MORC1: variants seen among roughly 807,000 people sequenced by gnomAD.
The protein encoded by MORC1 is MORC family CW-type zinc finger protein 1.
MORC1 carries 59 observed loss-of-function variants against 134.9 expected under a neutral mutation model. That is an observed-to-expected ratio of 0.44 (90% confidence interval 0.35 to 0.54). MORC1 has a LOEUF of 0.54. MORC1 is among the 20% of genes least tolerant of loss of function. The pLI, the probability that MORC1 is intolerant of heterozygous loss-of-function variation, is 0.00. For missense variants in MORC1, 947 were observed against 1,134.5 expected, an observed-to-expected ratio of 0.83 and a Z score of 2.37; for synonymous variants, 395 against 391.7, an observed-to-expected ratio of 1.01 and a Z score of -0.10.
chr3:108,995,695 A>T (rs1948182607), intron 21 of MORC1, among the ~76,000 whole-genome samples: 1 of 152,222 alleles, frequency 6.6e-6, no homozygotes. Context: ...AGAAGAAAAG[A>T]ACTATTAATA....
rs148414071 is a variant in MORC1 at position 109,048,737 on chromosome 3, T to G, written c.1330+5991A>C. Among the ~76,000 whole-genome samples the G allele has an allele frequency of 6.5e-3, 995 of 152,274 alleles. 15 individuals are homozygous for G. The highest frequency in any genetic ancestry group is 0.023 in the African/African-American group (962 of 41,556). On this transcript the variant is annotated intron_variant, in intron 14 of 27. Coordinates refer to ENST00000232603, the MANE Select transcript of MORC1 (RefSeq NM_014429.4). ...CTCCCTGTGTCCTCACATGTTTTTT[T>G]CTTTGTGTGCACCTATCCCTGGTAT...
chr3:109,102,144 G>A (rs1043232934), intron 4 of MORC1, among the ~76,000 whole-genome samples: 1 of 152,188 alleles, frequency 6.6e-6, no homozygotes, highest in Admixed American at 6.5e-5. Context: ...TAACAGGAAC[G>A]TGGCCTGCAG....
chr3:109,062,521 C>T (rs1034528666), intron 10 of MORC1, among the ~76,000 whole-genome samples: 1 of 151,416 alleles, frequency 6.6e-6, no homozygotes, highest in African/African-American at 2.4e-5. Flanking sequence ...CCCAGGTTCA[C>T]GCCATTCTCC....
intron 22 of MORC1, among the ~76,000 whole-genome samples, chr3:108,985,496 G>A (rs1947872430): frequency 6.6e-6 from 1 of 152,138 alleles, no homozygotes; most frequent in South Asian, 2.1e-4. Flanking sequence ...AGTAGAAGAG[G>A]ACATCAACAA....
At chr3:109,013,623 T>A (rs1447276320) in intron 17 of MORC1, among the ~76,000 whole-genome samples, 1 of 152,222 alleles carries the variant, frequency 6.6e-6, no homozygotes, top group Non-Finnish European at 1.5e-5. Context: ...ACCGCTGGGC[T>A]CTTCCTTAGA....
At chr3:109,010,832 G>A (rs1303471368) in intron 17 of MORC1, among the ~76,000 whole-genome samples, 1 of 152,180 alleles carries the variant, frequency 6.6e-6, no homozygotes. Context: ...TGTGAATCAA[G>A]AGTGCACTCC....
At chr3:109,040,436 G>GAAAA (rs1576665936) in intron 14 of MORC1, among the ~76,000 whole-genome samples, 1 of 103,990 alleles carries the variant, frequency 9.6e-6, no homozygotes, top group African/African-American at 3.8e-5. Flanking sequence ...AGGAAAGAAA[G>GAAAA]AAAGAAAGAA....
intron 24 of MORC1, among the ~76,000 whole-genome samples, chr3:108,974,680 G>C (rs1019371716): frequency 2.0e-5 from 3 of 152,204 alleles, no homozygotes; most frequent in African/African-American, 7.2e-5. Context: ...TTAGGAACAG[G>C]AATAGTCCTT....
chr3:109,102,468 G>C (rs1950947406), intron 4 of MORC1, among the ~76,000 whole-genome samples: 1 of 152,042 alleles, frequency 6.6e-6, no homozygotes, highest in African/African-American at 2.4e-5. Context: ...ACTATAAAGG[G>C]GCAAGACTAG....
intron 6 of MORC1, among the ~76,000 whole-genome samples, chr3:109,096,734 A>G (rs77620562): frequency 0.017 from 2,556 of 152,250 alleles, 83 homozygotes; most frequent in African/African-American, 0.059. Flanking sequence ...CTTTTTTCTT[A>G]ATAAACTGCT....
intron 25 of MORC1, 61 bp from the exon 26 acceptor site, chr3:108,969,783 CAG>C: frequency 6.7e-7 from 1 of 1,493,880 alleles, no homozygotes; most frequent in African/African-American, 1.4e-5. Flanking sequence ...CTGTCTACAG[CAG>C]AGTTATATCA....
At chr3:108,975,466 C>T (rs1439137215) in intron 24 of MORC1, among the ~76,000 whole-genome samples, 1 of 151,952 alleles carries the variant, frequency 6.6e-6, no homozygotes, top group African/African-American at 2.4e-5. Context: ...ATGGAGTCTG[C>T]CTTATCAAGT....
At chr3:109,008,461 T>A (rs1000574734) in intron 17 of MORC1, among the ~76,000 whole-genome samples, 1 of 143,838 alleles carries the variant, frequency 7.0e-6, no homozygotes, top group Non-Finnish European at 1.5e-5. Context: ...TATATATATA[T>A]AATTATATGT....
intron 18 of MORC1, among the ~76,000 whole-genome samples, chr3:109,006,494 G>A (rs934213643): frequency 2.0e-5 from 3 of 152,094 alleles, no homozygotes; most frequent in Admixed American, 6.5e-5. Flanking sequence ...AAATCCCATC[G>A]TCTGCCTGTT....
intron 21 of MORC1, among the ~76,000 whole-genome samples, chr3:108,999,830 A>G (rs1400946326): frequency 6.6e-6 from 1 of 152,162 alleles, no homozygotes; most frequent in Non-Finnish European, 1.5e-5. Context: ...TACCAAATAG[A>G]TTTTTCCCTG....
rs1448293639 is a variant in MORC1, at chr3:109,061,960, ATAAGACTACTCTC to A, written c.966+15_966+27del. The A allele has an allele frequency of 1.9e-6, 3 of 1,604,746 alleles. No homozygotes were observed. In the Admixed American group the frequency reaches 5.0e-5, roughly 27 times the overall value. On this transcript the variant is annotated intron_variant, in intron 11 of 27. Coordinates refer to ENST00000232603, the MANE Select transcript of MORC1 (RefSeq NM_014429.4). ...AGCAAATGACACAATTTGCCATTTA[ATAAGACTACTCTC>A]TTTACATGTCGTACCTTGGCAGAAG...
At position 109,035,434 on chromosome 3, in the gene MORC1, A is replaced by T; in HGVS notation, c.1365T>A (p.Phe455Leu). ...NRNLTLFCNE[F>L]GYQNDIDVEK... ...CCACATCGATGTCATTCTGGTATCC[A>T]AATTCATTGCAAAACAATGTTAAAT... Residue 455 changes from phenylalanine (F) to leucine (L), a missense_variant, in exon 15 of 28, where the codon TTT becomes TTA. Physicochemically the swap from Phe to Leu is conservative, Grantham distance 22. Transcript: ENST00000232603. 6.6e-7 allele frequency: 1 copy of T among 1,524,684 alleles called. No individual in the cohort carries two copies. Among genetic ancestry groups the T allele is most frequent in the Non-Finnish European group, 9.0e-7 (1 of 1,115,780 alleles). 94.4% of individuals were successfully genotyped at this position (1,524,684 alleles called of 1,614,324 possible). A position where few individuals can be genotyped will look rare whatever the true frequency, so the allele number is the denominator to read the frequency against.
At chr3:109,060,997 G>A (rs868083989) in intron 11 of MORC1, among the ~76,000 whole-genome samples, 78 of 146,032 alleles carry the variant, frequency 5.3e-4, no homozygotes, top group Middle Eastern at 3.6e-3. Flanking sequence ...AAAAAAAAAT[G>A]AAAAAAAAAA....
At chr3:109,011,139 T>G (rs1948671485) in intron 17 of MORC1, among the ~76,000 whole-genome samples, 1 of 152,194 alleles carries the variant, frequency 6.6e-6, no homozygotes, top group South Asian at 2.1e-4. Flanking sequence ...CACTTGAGGC[T>G]AGGAGTTTGA....
Sources: allele counts gnomAD v4.1 joint callset (sites outside exome capture counted in the v4.1 genomes callset), GRCh38; gene constraint gnomAD v4.1.1; transcripts MANE v1.5; gene names NCBI Gene and HGNC (gene_info 2026-07-23, HGNC 2026-07-21).